Variants in CUL5 observed in about 807,000 individuals in gnomAD.
CUL5 encodes the protein cullin-5.
A neutral mutation model predicts 108.8 loss-of-function variants in CUL5; 26 were observed. The ratio of observed to expected loss-of-function variants is 0.24; its 90% confidence interval spans 0.18 to 0.33. The LOEUF (loss-of-function observed/expected upper bound fraction) is 0.33. CUL5 is among the 10% of genes least tolerant of loss of function. CUL5 has a pLI of 1.00. For synonymous variants in CUL5, 334 were observed against 298.0 expected, an observed-to-expected ratio of 1.12 and a Z score of -1.25; for missense variants, 524 against 909.2, an observed-to-expected ratio of 0.58 and a Z score of 5.45.
rs1190173198 is a variant in CUL5, at chr11:108,107,577, C to T, written c.*3193C>T. On this transcript the variant is annotated 3_prime_UTR_variant, in exon 19 of 19. Coordinates refer to ENST00000393094, the MANE Select transcript of CUL5 (RefSeq NM_003478.6). The stretch of plus-strand genomic sequence containing the variant: ...TAGTTTCTAAGTTGTAATCTATCCT[C>T]ATATGGTCTATACGATTTTGAATGT... The T allele has an allele frequency of 6.6e-6, 1 of 152,610 alleles. No individual in the cohort carries two copies. The highest frequency in any genetic ancestry group is 1.5e-5 in the Non-Finnish European group (1 of 68,012). The allele number at this position is 152,610 out of a possible 1,614,324, so 9.5% of individuals were successfully genotyped here. A position where few individuals can be genotyped will look rare whatever the true frequency, so the allele number is the denominator to read the frequency against.
At chr11:108,011,839 G>C (rs566729093) in intron 1 of CUL5, among the ~76,000 whole-genome samples, 1 of 152,206 alleles carries the variant, frequency 6.6e-6, no homozygotes, top group South Asian at 2.1e-4. Context: ...TGTTGGCTAG[G>C]ATGGTCTCCA....
At chr11:108,038,222 T>A (rs1413665124) in intron 2 of CUL5, among the ~76,000 whole-genome samples, 1 of 149,398 alleles carries the variant, frequency 6.7e-6, no homozygotes, top group African/African-American at 2.4e-5. Context: ...GTTTTGTTGT[T>A]AATGTTGTTT....
chr11:108,088,189 AAC>A (rs1473937921), intron 11 of CUL5, among the ~76,000 whole-genome samples: 2 of 152,228 alleles, frequency 1.3e-5, no homozygotes, highest in South Asian at 2.1e-4. Flanking sequence ...CCAAGAATTT[AAC>A]AGTTTTTCTA....
chr11:108,067,903 A>G (rs7104710), intron 7 of CUL5, among the ~76,000 whole-genome samples: 2 of 151,948 alleles, frequency 1.3e-5, no homozygotes, highest in African/African-American at 2.4e-5. Flanking sequence ...ACCATTTTAT[A>G]TGTGTAGTCT....
intron 7 of CUL5, among the ~76,000 whole-genome samples, chr11:108,062,933 C>T (rs950139713): frequency 6.6e-6 from 1 of 152,148 alleles, no homozygotes; most frequent in African/African-American, 2.4e-5. Flanking sequence ...GCAACCTCCG[C>T]CTCCTGGGTT....
At chr11:108,050,917 C>T (rs1863202240) in intron 4 of CUL5, among the ~76,000 whole-genome samples, 1 of 152,194 alleles carries the variant, frequency 6.6e-6, no homozygotes. Context: ...CTAGGTTTCC[C>T]TTTCAGCTCT....
At chr11:108,024,456 A>G (rs762800356) in intron 1 of CUL5, among the ~76,000 whole-genome samples, 9 of 152,202 alleles carry the variant, frequency 5.9e-5, no homozygotes, top group Non-Finnish European at 8.8e-5. Context: ...AAGGAATAAT[A>G]TCACTGAACA....
chr11:108,104,044 T>C, intron 18 of CUL5, 146 bp from the exon 19 acceptor site: 1 of 558,314 alleles, frequency 1.8e-6, no homozygotes, highest in Non-Finnish European at 3.1e-6. Flanking sequence ...AAGATACTAG[T>C]CTCAACATTA....
At chr11:108,093,461 C>T (rs1864407739) in intron 13 of CUL5, among the ~76,000 whole-genome samples, 1 of 152,170 alleles carries the variant, frequency 6.6e-6, no homozygotes, top group African/African-American at 2.4e-5. Flanking sequence ...GCCTTACTAC[C>T]ACAGTCAGCT....
intron 5 of CUL5, 39 bp from the exon 6 acceptor site, chr11:108,054,608 G>T: frequency 1.5e-6 from 2 of 1,366,730 alleles, no homozygotes; most frequent in South Asian, 1.3e-5. Context: ...TACTGATTTT[G>T]ATCATAATTG....
Position 108,054,664 on chromosome 11 carries a change from C to A in CUL5, c.571C>A (p.Pro191Thr). 1 of 1,589,492 alleles carries A rather than the reference C, an allele frequency of 6.3e-7. No individual in the cohort carries two copies. Residue 191 changes from proline (P) to threonine (T), a missense_variant, in exon 6 of 19, where the codon CCT becomes ACT. Pro to Thr is a conservative substitution (Grantham distance 38). Coordinates refer to ENST00000393094, the MANE Select transcript of CUL5 (RefSeq NM_003478.6). ...TTTTTCAGTTAACCTTTGTTCTAATCCTGAGGATAAACTTCAAATTTATAG... is the reference window on the plus strand; with the variant it reads ...TTTTTCAGTTAACCTTTGTTCTAATACTGAGGATAAACTTCAAATTTATAG... ...RESYVNLCSN[P>T]EDKLQIYRDN...
At chr11:108,025,760 A>G (rs1038963866) in intron 1 of CUL5, among the ~76,000 whole-genome samples, 7 of 152,150 alleles carry the variant, frequency 4.6e-5, no homozygotes, top group Non-Finnish European at 8.8e-5. Flanking sequence ...GACCTTCTGT[A>G]TAGATACCCA....
chr11:108,013,339 T>C (rs1474305630), intron 1 of CUL5, among the ~76,000 whole-genome samples: 1 of 152,210 alleles, frequency 6.6e-6, no homozygotes, highest in Non-Finnish European at 1.5e-5. Flanking sequence ...ACTATTTTTA[T>C]CTCTTAGCTC....
Position 108,049,879 on chromosome 11 carries a change from C to T in CUL5, c.235-11C>T. ...GCATTTATTTCAAATTGGTACACCTCTTTTTTTCAGCGAGTACTGAGCCAT... is the reference window on the plus strand; with the variant it reads ...GCATTTATTTCAAATTGGTACACCTTTTTTTTTCAGCGAGTACTGAGCCAT... On this transcript the variant is annotated splice_polypyrimidine_tract_variant and intron_variant, in intron 3 of 18. Transcript: ENST00000393094. The T allele has an allele frequency of 6.3e-7, 1 of 1,595,172 alleles. No individual in the cohort carries two copies. Among genetic ancestry groups the T allele is most frequent in the African/African-American group, 1.4e-5 (1 of 73,906 alleles).
chr11:108,094,414 T>C lies in CUL5; in HGVS notation c.1467T>C (p.Tyr489=), dbSNP rs1864437081. The part of the protein sequence containing the change: ...WLREVGMPAD[Y]VNKLARMFQD... ...AGGAAGTTGGTATGCCAGCGGATTA[T>C]GTAAACAAGCTTGCTAGAATGTTTC... Residue 489 remains tyrosine (Y), a synonymous_variant, in exon 14 of 19, where the codon TAT becomes TAC. Coordinates refer to ENST00000393094, the MANE Select transcript of CUL5 (RefSeq NM_003478.6). The C allele has an allele frequency of 6.3e-7, 1 of 1,587,830 alleles. No individual in the cohort carries two copies. Among genetic ancestry groups the C allele is most frequent in the Non-Finnish European group, 8.6e-7 (1 of 1,168,912 alleles).
chr11:108,062,568 ATT>A (rs1863565870), intron 7 of CUL5, among the ~76,000 whole-genome samples: 1 of 148,906 alleles, frequency 6.7e-6, no homozygotes, highest in Admixed American at 6.7e-5. Context: ...TTAAATATTT[ATT>A]TTATAAATAT....
intron 9 of CUL5, 28 bp from the exon 10 acceptor site, chr11:108,073,362 A>C: frequency 9.3e-7 from 1 of 1,078,556 alleles, no homozygotes; most frequent in Non-Finnish European, 1.4e-6. Context: ...TTCTTTTAAA[A>C]ACTTAATGTA....
intron 10 of CUL5, among the ~76,000 whole-genome samples, chr11:108,075,124 A>G (rs538957834): frequency 6.6e-6 from 1 of 152,260 alleles, no homozygotes; most frequent in Admixed American, 6.5e-5. Context: ...TTATTTAAAT[A>G]ATTCAATTAA....
chr11:108,028,749 A>G (rs1171499616), intron 1 of CUL5, among the ~76,000 whole-genome samples: 3 of 152,074 alleles, frequency 2.0e-5, no homozygotes, highest in Non-Finnish European at 2.9e-5. Flanking sequence ...GCTTGAACCC[A>G]GGAGGCAGAG....
Sources: allele counts gnomAD v4.1 joint callset (sites outside exome capture counted in the v4.1 genomes callset), GRCh38; gene constraint gnomAD v4.1.1; transcripts MANE v1.5; gene names NCBI Gene and HGNC (gene_info 2026-07-23, HGNC 2026-07-21).